The following MEIS2 variants were observed in gnomAD, a reference collection of about 807,000 sequenced individuals.
MEIS2 encodes Meis homeobox 2, also known as homeobox protein Meis2.
A neutral mutation model predicts 58.6 loss-of-function variants in MEIS2; 9 were observed. The ratio of observed to expected loss-of-function variants is 0.15; its 90% CI spans 0.09 to 0.27. MEIS2 has a LOEUF of 0.27. Among genes scored for constraint, MEIS2 ranks in the 10% least tolerant of loss-of-function variants. MEIS2 has a pLI of 1.00. For missense variants in MEIS2, 427 were observed against 635.0 expected, an observed-to-expected ratio of 0.67 and a Z score of 3.52; for synonymous variants, 221 against 228.4, an observed-to-expected ratio of 0.97 and a Z score of 0.29.
intron 9 of MEIS2, among the ~76,000 whole-genome samples, chr15:36,945,194 C>G (rs2058518632): frequency 6.6e-6 from 1 of 151,942 alleles, no homozygotes; most frequent in Admixed American, 6.6e-5. Context: ...GAAACTGACC[C>G]TCTGTCTTGA....
chr15:37,024,656 C>T (rs1235281941), intron 8 of MEIS2, among the ~76,000 whole-genome samples: 1 of 152,218 alleles, frequency 6.6e-6, no homozygotes, highest in Non-Finnish European at 1.5e-5. Context: ...CAGATTGAAA[C>T]TGTCTTCAGG....
At chr15:37,034,773 A>T (rs993499334) in intron 8 of MEIS2, among the ~76,000 whole-genome samples, 2 of 152,206 alleles carry the variant, frequency 1.3e-5, no homozygotes, top group African/African-American at 4.8e-5. Context: ...CTCTGAGCGT[A>T]TTGATGGTGG....
At chr15:36,920,240 C>T (rs1300872441) in intron 9 of MEIS2, among the ~76,000 whole-genome samples, 1 of 152,124 alleles carries the variant, frequency 6.6e-6, no homozygotes, top group Non-Finnish European at 1.5e-5. Context: ...ACCTCCACCT[C>T]CCGGGTTCAA....
At chr15:37,070,493 C>T (rs77467289) in intron 7 of MEIS2, among the ~76,000 whole-genome samples, 1 of 152,194 alleles carries the variant, frequency 6.6e-6, no homozygotes, top group Non-Finnish European at 1.5e-5. Flanking sequence ...TCTCTCCACA[C>T]TTTGCAGACT....
intron 9 of MEIS2, among the ~76,000 whole-genome samples, chr15:36,916,624 T>C (rs1425954698): frequency 1.3e-5 from 2 of 151,818 alleles, no homozygotes; most frequent in Non-Finnish European, 2.9e-5. Flanking sequence ...GTAGAGATGG[T>C]AGCTTGCTAT....
At chr15:37,058,354 A>C (rs886526213) in intron 7 of MEIS2, among the ~76,000 whole-genome samples, 21 of 152,226 alleles carry the variant, frequency 1.4e-4, no homozygotes, top group African/African-American at 5.1e-4. Context: ...GGTCTGGAAG[A>C]ATTTTAGGAA....
chr15:36,939,587 G>A (rs8024995), intron 9 of MEIS2, among the ~76,000 whole-genome samples: 2,672 of 151,820 alleles, frequency 0.018, 73 homozygotes, highest in African/African-American at 0.06. Context: ...TGGTGTTATT[G>A]GGAAAATCAT....
chr15:37,034,882 G>T (rs141265904), intron 8 of MEIS2, among the ~76,000 whole-genome samples: 12 of 152,106 alleles, frequency 7.9e-5, no homozygotes, highest in African/African-American at 2.7e-4. Flanking sequence ...TGGAAGTCTC[G>T]GGCCCTTGTC....
At chr15:36,964,567 T>C (rs1020023725) in intron 8 of MEIS2, among the ~76,000 whole-genome samples, 4 of 152,194 alleles carry the variant, frequency 2.6e-5, no homozygotes, top group African/African-American at 9.7e-5. Context: ...AATCTGGATT[T>C]TTTTCATGAG....
intron 9 of MEIS2, among the ~76,000 whole-genome samples, chr15:36,925,373 A>T (rs2057706229): frequency 6.6e-6 from 1 of 152,194 alleles, no homozygotes; most frequent in South Asian, 2.1e-4. Context: ...GCACCCTGTG[A>T]ATCAAGAAGT....
At chr15:36,990,263 T>G (rs772654671) in intron 8 of MEIS2, among the ~76,000 whole-genome samples, 10 of 151,930 alleles carry the variant, frequency 6.6e-5, no homozygotes, top group Admixed American at 2.6e-4. Context: ...GTTATTTTTG[T>G]ACACACTCCC....
chr15:36,989,996 G>C (rs1440650247), intron 8 of MEIS2, among the ~76,000 whole-genome samples: 1 of 152,168 alleles, frequency 6.6e-6, no homozygotes, highest in South Asian at 2.1e-4. Flanking sequence ...CCAGGCTGGA[G>C]TGCAGTGGCA....
intron 9 of MEIS2, among the ~76,000 whole-genome samples, chr15:36,934,282 C>T (rs760342712): frequency 6.0e-5 from 9 of 151,250 alleles, no homozygotes; most frequent in African/African-American, 1.5e-4. Context: ...TTTTTTCCTC[C>T]GTAACAATTC....
chr15:36,992,998 A>C (rs955820672), intron 8 of MEIS2, among the ~76,000 whole-genome samples: 2 of 152,210 alleles, frequency 1.3e-5, no homozygotes, highest in African/African-American at 4.8e-5. Flanking sequence ...AAATAATGAA[A>C]AGTTAAATAC....
At chr15:37,032,990 T>G (rs189907430) in intron 8 of MEIS2, among the ~76,000 whole-genome samples, 1 of 152,134 alleles carries the variant, frequency 6.6e-6, no homozygotes, top group Non-Finnish European at 1.5e-5. Context: ...CCCCCTGAAG[T>G]TGGTGGTGCA....
chr15:36,982,560 T>C (rs1567140736), intron 8 of MEIS2, among the ~76,000 whole-genome samples: 1 of 152,196 alleles, frequency 6.6e-6, no homozygotes, highest in Non-Finnish European at 1.5e-5. Flanking sequence ...TGTCAATAGA[T>C]ACTTAGTTTG....
chr15:37,054,390 G>T (rs1412030404), intron 7 of MEIS2, among the ~76,000 whole-genome samples: 1 of 152,178 alleles, frequency 6.6e-6, no homozygotes, highest in Admixed American at 6.5e-5. Context: ...GAGGTGGGGA[G>T]ACTTTGCATG....
intron 8 of MEIS2, among the ~76,000 whole-genome samples, chr15:37,020,383 C>T (rs1336135399): frequency 6.6e-6 from 1 of 151,994 alleles, no homozygotes; most frequent in African/African-American, 2.4e-5. Flanking sequence ...GGTTGGGCGC[C>T]GAAGCATATG....
chr15:37,099,059 C>T lies in MEIS2; in HGVS notation c.12+396G>A, dbSNP rs886694215. 89 of 984,596 alleles carry T rather than the reference C, an allele frequency of 9.0e-5. No homozygotes were observed. In the East Asian group the frequency reaches 6.8e-3, roughly 75 times the overall value. The allele number at this position is 984,596 out of a possible 1,614,324, so 61.0% of individuals were successfully genotyped here. ...GCTCCTACGCAGCCCGTGCCCGCCC[C>T]GAGCCGCGCGAGCCACGGCGGCAGC... On this transcript the variant is annotated intron_variant, in intron 1 of 11. Coordinates refer to ENST00000561208, the MANE Select transcript of MEIS2 (RefSeq NM_170675.5).
Sources: gnomAD v4.1 joint callset for allele counts (sites outside exome capture counted in the v4.1 genomes callset) on GRCh38, gnomAD v4.1.1 for gene constraint, MANE v1.5 for transcripts, NCBI Gene and HGNC (gene_info 2026-07-23, HGNC 2026-07-21) for gene names.